The following ATP4A variants were observed in gnomAD, a reference collection of about 807,000 sequenced individuals.
The protein encoded by ATP4A is potassium-transporting ATPase alpha chain 1.
ATP4A carries 73 observed loss-of-function variants against 112.1 expected under a neutral mutation model. The ratio of observed to expected loss-of-function variants is 0.65; its 90% CI spans 0.54 to 0.79. ATP4A has a LOEUF of 0.79. ATP4A is among the 30% of genes least tolerant of loss of function. The pLI, the probability that ATP4A is intolerant of heterozygous loss-of-function variation, is 0.00. For missense variants in ATP4A, 1,081 were observed against 1,425.9 expected (o/e 0.76, Z 3.90); for synonymous variants, 588 against 588.9 (o/e 1.00, Z 0.02).
At chr19:35,552,975 C>T (rs925163742) in intron 18 of ATP4A, 62 bp downstream of exon 18, 2 of 1,521,326 alleles carry the variant, frequency 1.3e-6, no homozygotes, top group East Asian at 2.4e-5. Context: ...GGGCCGCACA[C>T]AAGGCAAGTT....
At position 35,557,066 on chromosome 19, in the gene ATP4A, A is replaced by T; in HGVS notation, c.1716T>A (p.Asn572Lys). The T allele has an allele frequency of 6.2e-7, 1 of 1,614,192 alleles. No homozygotes were observed. Among genetic ancestry groups the T allele is most frequent in the Non-Finnish European group, 8.5e-7 (1 of 1,180,030 alleles). ...RVLGFCQLYL[N>K]EKDYPPGYAF... ...CATAGCCAGGCGGGTAGTCCTTCTCATTCAGGTAGAGCTGGCAGAAGCCTG... is the reference window on the plus strand; with the variant it reads ...CATAGCCAGGCGGGTAGTCCTTCTCTTTCAGGTAGAGCTGGCAGAAGCCTG... Residue 572 changes from asparagine to lysine, a missense_variant, in exon 12 of 22, where the codon AAT becomes AAA. Asn to Lys is a moderately conservative substitution (Grantham distance 94). Coordinates refer to ENST00000262623, the MANE Select transcript of ATP4A (RefSeq NM_000704.3). This position sits in a 1 kb window ranked among gnomAD's most constrained non-coding sequence, Gnocchi z 4.4.
chr19:35,550,702 G>A lies in ATP4A; in HGVS notation c.3080-59C>T. 6.2e-7 allele frequency: 1 copy of A among 1,611,690 alleles called. No individual in the cohort carries two copies. Among genetic ancestry groups the A allele is most frequent in the Non-Finnish European group, 8.5e-7 (1 of 1,177,958 alleles). Reference sequence around the variant, plus strand: ...TGGGGGTGCCACTTAGGCAGGGCCAGGGGCTCAGAGGTCAGTGCTGGTTGC... The same window carrying A: ...TGGGGGTGCCACTTAGGCAGGGCCAAGGGCTCAGAGGTCAGTGCTGGTTGC... On this transcript the variant is annotated intron_variant, in intron 21 of 21. Transcript: ENST00000262623. The surrounding 1 kb of genome is among the most constrained non-coding windows in gnomAD (Gnocchi z 4.1).
rs186041410 is a variant in ATP4A at position 35,557,437 on chromosome 19, G to A, written c.1693+218C>T. ...TGGGAGAGGTTAGAGGTCAGGATACGGATAAAAGTCCAGGTGAGGACTGGG... is the reference window on the plus strand; with the variant it reads ...TGGGAGAGGTTAGAGGTCAGGATACAGATAAAAGTCCAGGTGAGGACTGGG... On this transcript the variant is annotated intron_variant, in intron 11 of 21. Transcript: ENST00000262623. The surrounding 1 kb of genome is among the most constrained non-coding windows in gnomAD (Gnocchi z 4.4). Among the ~76,000 whole-genome samples the A allele has an allele frequency of 1.3e-5, 2 of 152,170 alleles. No individual in the cohort carries two copies. The highest frequency in any genetic ancestry group is 2.9e-5 in the Non-Finnish European group (2 of 68,032).
chr19:35,556,334 G>C (rs943045048), intron 12 of ATP4A, among the ~76,000 whole-genome samples: 1 of 152,182 alleles, frequency 6.6e-6, no homozygotes, highest in Non-Finnish European at 1.5e-5. Context: ...AACAAGGCCC[G>C]ATGTAACAGG....
At position 35,551,649 on chromosome 19, in the gene ATP4A, C is replaced by T; in HGVS notation, c.2752-69G>A. ...GTCCCGGCGGAGAGCCTCTGCAGCC[C>T]ACCGGGCATAGGGTCCCAGGGCCGT... On this transcript the variant is annotated intron_variant, in intron 18 of 21. Transcript: ENST00000262623. The surrounding 1 kb of genome is among the most constrained non-coding windows in gnomAD (Gnocchi z 5.2). The T allele has an allele frequency of 6.4e-7, 1 of 1,562,500 alleles. No homozygotes were observed. Among genetic ancestry groups the T allele is most frequent in the Non-Finnish European group, 8.7e-7 (1 of 1,152,810 alleles).
chr19:35,550,684 G>A lies in ATP4A; in HGVS notation c.3080-41C>T, dbSNP rs1178573470. ...AGAAAGGAGACTCAGTGCTGGGGGTGCCACTTAGGCAGGGCCAGGGGCTCA... is the reference window on the plus strand; with the variant it reads ...AGAAAGGAGACTCAGTGCTGGGGGTACCACTTAGGCAGGGCCAGGGGCTCA... On this transcript the variant is annotated intron_variant, in intron 21 of 21. Transcript: ENST00000262623. This position sits in a 1 kb window ranked among gnomAD's most constrained non-coding sequence, Gnocchi z 4.1. 2 of 1,613,426 alleles carry A rather than the reference G, an allele frequency of 1.2e-6. No individual in the cohort carries two copies. Among genetic ancestry groups the A allele is most frequent in the African/African-American group, 2.7e-5 (2 of 74,912 alleles).
rs749993350 is a variant in ATP4A at position 35,558,592 on chromosome 19, T to C, written c.1350A>G (p.Ala450=). The C allele has an allele frequency of 1.9e-6, 3 of 1,603,826 alleles. No individual in the cohort carries two copies. Among genetic ancestry groups the C allele is most frequent in the Admixed American group, 1.7e-5 (1 of 58,096 alleles). The part of the protein sequence containing the change: ...NRAAFKSGQD[A]VPVPKRIVIG... ...TGGCTCTCACCTTGGGCACAGGCACTGCATCCTGGCCGGACTTGAAGGCGG... is the reference window on the plus strand; with the variant it reads ...TGGCTCTCACCTTGGGCACAGGCACCGCATCCTGGCCGGACTTGAAGGCGG... Residue 450 remains alanine (A), a synonymous_variant, in exon 9 of 22, where the codon GCA becomes GCG. Coordinates refer to ENST00000262623, the MANE Select transcript of ATP4A (RefSeq NM_000704.3). This position sits in a 1 kb window ranked among gnomAD's most constrained non-coding sequence, Gnocchi z 5.1.
chr19:35,554,869 A>G, intron 16 of ATP4A, 53 bp downstream of exon 16: 1 of 1,609,704 alleles, frequency 6.2e-7, no homozygotes, highest in East Asian at 2.2e-5. Context: ...GTCCATCTGC[A>G]AGCAAGTGTC....
Position 35,557,875 on chromosome 19 carries a change from G to C in ATP4A, c.1501-28C>G. The C allele has an allele frequency of 3.0e-6, 4 of 1,342,682 alleles. No individual in the cohort carries two copies. Among genetic ancestry groups the C allele is most frequent in the Non-Finnish European group, 3.9e-6 (4 of 1,012,868 alleles). 83.2% of individuals were successfully genotyped at this position (1,342,682 alleles called of 1,614,324 possible). A position where few individuals can be genotyped will look rare whatever the true frequency, so the allele number is the denominator to read the frequency against. ...GTGGGCGGGGGGGAGAGGCGAGGCT[G>C]TGGACGGGGGAACGGGGCGGGGCTG... On this transcript the variant is annotated intron_variant, in intron 10 of 21. Coordinates refer to ENST00000262623, the MANE Select transcript of ATP4A (RefSeq NM_000704.3). The surrounding 1 kb of genome is among the most constrained non-coding windows in gnomAD (Gnocchi z 4.4).
chr19:35,553,792 C>T lies in ATP4A; in HGVS notation c.2519G>A (p.Ser840Asn). The T allele has an allele frequency of 1.9e-6, 3 of 1,601,926 alleles. No individual in the cohort carries two copies. The highest frequency in any genetic ancestry group is 2.6e-6 in the Non-Finnish European group (3 of 1,174,366). ...SVSLAYEKAE[S>N]DIMHLRPRNP... ...GCGTGGACGCAGGTGCATGATGTCA[C>T]TCTCGGCCTTTTCATATGCCAGGGA... The change falls in exon 17 of 22, where the codon AGT (serine) becomes AAT (asparagine). Residue 840 changes from serine to asparagine, a missense_variant. By Grantham distance (46) the Ser-to-Asn change is conservative. This residue lies in a region of ATP4A where 219 missense variants were observed against 320.9 expected (regional missense o/e 0.68). Coordinates refer to ENST00000262623, the MANE Select transcript of ATP4A (RefSeq NM_000704.3).
Position 35,550,642 on chromosome 19 carries a change from GC to G in ATP4A, c.3080del (p.Ser1027ThrfsTer40). ...AATAGTAGAGTTCCTGGTCCCACCA[GC>G]CTGGGAGAGAGAGGGAGAAAGGAGA... ...RKLGVRCCPG[S>X]WWDQELYY On this transcript the variant is annotated frameshift_variant and splice_region_variant, in exon 22 of 22. Coordinates refer to ENST00000262623, the MANE Select transcript of ATP4A (RefSeq NM_000704.3). LOFTEE classifies it high-confidence loss of function. This position sits in a 1 kb window ranked among gnomAD's most constrained non-coding sequence, Gnocchi z 4.1. 6.2e-7 allele frequency: 1 copy of G among 1,613,866 alleles called. No individual in the cohort carries two copies. The highest frequency in any genetic ancestry group is 1.1e-5 in the South Asian group (1 of 91,074).
In ATP4A at chr19:35,550,572, C is replaced by T; in HGVS notation, c.*43G>A. 6.2e-7 allele frequency: 1 copy of T among 1,612,544 alleles called. No individual in the cohort carries two copies. Reference sequence around the variant, plus strand: ...GAGGGTCCCACGAGCCCTGCCCCCACCTGCTGTGGCAGTTGCAGGGATGCT... The same window carrying T: ...GAGGGTCCCACGAGCCCTGCCCCCATCTGCTGTGGCAGTTGCAGGGATGCT... On this transcript the variant is annotated 3_prime_UTR_variant, in exon 22 of 22. Transcript: ENST00000262623. The surrounding 1 kb of genome is among the most constrained non-coding windows in gnomAD (Gnocchi z 4.1).
chr19:35,555,251 G>A lies in ATP4A; in HGVS notation c.2241C>T (p.Ile747=), dbSNP rs1295998843. 3.0e-5 allele frequency: 49 copies of A among 1,614,076 alleles called. No homozygotes were observed. The highest frequency in any genetic ancestry group is 4.0e-5 in the Non-Finnish European group (47 of 1,180,046). ...KKADIGVAMG[I]AGSDAAKNAA... ...CATTTTTGGCAGCATCTGAGCCAGCGATGCCCATGGCTACTCCGATGTCTG... is the reference window on the plus strand; with the variant it reads ...CATTTTTGGCAGCATCTGAGCCAGCAATGCCCATGGCTACTCCGATGTCTG... Residue 747 remains isoleucine, a synonymous_variant, in exon 15 of 22, where the codon ATC becomes ATT. Transcript: ENST00000262623. This position sits in a 1 kb window ranked among gnomAD's most constrained non-coding sequence, Gnocchi z 6.6.
chr19:35,563,574 AACCCCTGTCCCCACTGCACCCCGG>A lies in ATP4A; in HGVS notation c.12+20_12+43del. ...GGAGGGAGAACTCAGATTCCACTGC[AACCCCTGTCCCCACTGCACCCCGG>A]ACCCCTGGGCCCCACTCACGGCCTT... On this transcript the variant is annotated intron_variant, in intron 1 of 21. Transcript: ENST00000262623. 6.2e-7 allele frequency: 1 copy of A among 1,613,808 alleles called. No homozygotes were observed. The highest frequency in any genetic ancestry group is 1.1e-5 in the South Asian group (1 of 91,078).
chr19:35,551,995 G>A lies in ATP4A; in HGVS notation c.2752-415C>T, dbSNP rs1035088963. 6.6e-6 allele frequency among the ~76,000 whole-genome samples: 1 copy of A among 152,156 alleles called. No homozygotes were observed. Among genetic ancestry groups the A allele is most frequent in the African/African-American group, 2.4e-5 (1 of 41,444 alleles). On this transcript the variant is annotated intron_variant, in intron 18 of 21. Coordinates refer to ENST00000262623, the MANE Select transcript of ATP4A (RefSeq NM_000704.3). The surrounding 1 kb of genome is among the most constrained non-coding windows in gnomAD (Gnocchi z 5.2). ...TCACCGCGGGCCTTTGGGAAAAGAG[G>A]GCAGATGCCCCATTTAAAGGGGGCA... is the stretch of plus-strand genomic sequence containing the variant.
intron 3 of ATP4A, among the ~76,000 whole-genome samples, 196 bp from the exon 4 acceptor site, chr19:35,562,834 C>A (rs2071679550): frequency 2.0e-5 from 3 of 151,218 alleles, no homozygotes; most frequent in African/African-American, 7.3e-5. Flanking sequence ...TCTCTCCTCG[C>A]TCCCCTTTCT....
At position 35,560,290 on chromosome 19, in the gene ATP4A, G is replaced by C; in HGVS notation, c.787+73C>G. 1 of 1,594,770 alleles carries C rather than the reference G, an allele frequency of 6.3e-7. No individual in the cohort carries two copies. On this transcript the variant is annotated intron_variant, in intron 6 of 21. Coordinates refer to ENST00000262623, the MANE Select transcript of ATP4A (RefSeq NM_000704.3). The surrounding 1 kb of genome is among the most constrained non-coding windows in gnomAD (Gnocchi z 5.1). ...AGAGACAGGGAGGCTGAAGCCCCCT[G>C]TCCTAGAAGATAGCAGGAGAGAGGC...
chr19:35,558,418 G>C lies in ATP4A; in HGVS notation c.1444C>G (p.Arg482Gly). The change falls in exon 10 of 22, where the codon CGG (arginine) becomes GGG (glycine). Residue 482 changes from arginine (R) to glycine (G), a missense_variant. By Grantham distance (125) the Arg-to-Gly change is moderately radical. Transcript: ENST00000262623. The surrounding 1 kb of genome is among the most constrained non-coding windows in gnomAD (Gnocchi z 5.1). ...TCGCAGACTTTTGGGAAGCGGTCCCGGTAGCCCATGGCGTTGCCCAGCGTC... is the reference window on the plus strand; with the variant it reads ...TCGCAGACTTTTGGGAAGCGGTCCCCGTAGCCCATGGCGTTGCCCAGCGTC... ...ELTLGNAMGY[R>G]DRFPKVCEIP... 2 of 1,609,622 alleles carry C rather than the reference G, an allele frequency of 1.2e-6. No individual in the cohort carries two copies. The highest frequency in any genetic ancestry group is 1.7e-6 in the Non-Finnish European group (2 of 1,178,240).
rs2071634307 is a variant in ATP4A at position 35,556,956 on chromosome 19, G to A, written c.1826C>T (p.Thr609Ile). The A allele has an allele frequency of 1.2e-6, 2 of 1,614,196 alleles. No homozygotes were observed. The highest frequency in any genetic ancestry group is 1.7e-6 in the Non-Finnish European group (2 of 1,180,040). ...LVSMIDPPRA[T>I]VPDAVLKCRT... The stretch of plus-strand genomic sequence containing the variant: ...ACACTTGAGCACAGCATCAGGGACG[G>A]TGGCCCGGGGTGGGTCAATCATGGA... Residue 609 changes from threonine (T) to isoleucine (I), a missense_variant, in exon 12 of 22, where the codon ACC becomes ATC. By Grantham distance (89) the Thr-to-Ile change is moderately conservative. Around this residue, in one of 3 missense-constraint regions of ATP4A, gnomAD observed 850 missense variants for 1,068.2 expected, o/e 0.80. Coordinates refer to ENST00000262623, the MANE Select transcript of ATP4A (RefSeq NM_000704.3).
Sources: allele counts gnomAD v4.1 joint callset (sites outside exome capture counted in the v4.1 genomes callset), GRCh38; gene constraint gnomAD v4.1.1; regional missense constraint gnomAD v4.1.1; non-coding constraint Gnocchi (gnomAD v3.1); transcripts MANE v1.5; gene names NCBI Gene and HGNC (gene_info 2026-07-23, HGNC 2026-07-21).